The following CELF4 variants were observed in gnomAD, a reference collection of about 807,000 sequenced individuals.
CELF4 encodes the protein CUG-BP- and ETR-3-like factor 4.
A neutral mutation model predicts 59.9 loss-of-function variants in CELF4; 18 were observed. The observed-to-expected ratio is 0.30, with a 90% CI of 0.21 to 0.45. The LOEUF (loss-of-function observed/expected upper bound fraction) is 0.45, where lower values mean the gene tolerates loss of function less well. CELF4 is among the 20% of genes least tolerant of loss of function. The probability of loss-of-function intolerance (pLI) is 1.00; values close to 1 mark genes in which losing one functional copy is unlikely to be tolerated. For synonymous variants in CELF4, 261 were observed against 267.1 expected, an observed-to-expected ratio of 0.98 and a Z score of 0.22; for missense variants, 456 against 689.0, an observed-to-expected ratio of 0.66 and a Z score of 3.79.
chr18:37,285,048 C>T (rs1184907587), intron 3 of CELF4, among the ~76,000 whole-genome samples: 2 of 152,188 alleles, frequency 1.3e-5, no homozygotes, highest in Non-Finnish European at 2.9e-5. Flanking sequence ...TGCCCAATAA[C>T]CACATTGCTT....
At chr18:37,420,258 G>A (rs1354229236) in intron 2 of CELF4, among the ~76,000 whole-genome samples, 1 of 152,194 alleles carries the variant, frequency 6.6e-6, no homozygotes, top group Non-Finnish European at 1.5e-5. Context: ...CAGAACCTGG[G>A]GGTTGCAAAA....
chr18:37,247,150 T>C, intron 12 of CELF4: 1 of 152,188 alleles, frequency 6.6e-6, no homozygotes. Flanking sequence ...GACGCCATCA[T>C]GTCACACTGT....
Position 37,317,733 on chromosome 18 carries a change from G to T in CELF4, c.448+4070C>A, listed in dbSNP as rs2096917106. 2.0e-5 allele frequency among the ~76,000 whole-genome samples: 3 copies of T among 152,332 alleles called. No individual in the cohort carries two copies. In the South Asian group the frequency reaches 6.2e-4, roughly 32 times the overall value. On this transcript the variant is annotated intron_variant, in intron 3 of 12. Coordinates refer to ENST00000420428, the MANE Select transcript of CELF4 (RefSeq NM_020180.4). ...AAAAAGAGCTCCCTGAACTGCTCCTGATAGGACAGTGGCCTGTCAGCCTCA... is the reference window on the plus strand; with the variant it reads ...AAAAAGAGCTCCCTGAACTGCTCCTTATAGGACAGTGGCCTGTCAGCCTCA...
chr18:37,321,099 C>G (rs936402744), intron 3 of CELF4, among the ~76,000 whole-genome samples: 33 of 152,106 alleles, frequency 2.2e-4, no homozygotes, highest in African/African-American at 8.0e-4. Flanking sequence ...GGGGGCAGTA[C>G]AGACACACAG....
intron 2 of CELF4, among the ~76,000 whole-genome samples, chr18:37,462,000 A>T (rs2099794949): frequency 6.6e-6 from 1 of 152,178 alleles, no homozygotes; most frequent in African/African-American, 2.4e-5. Context: ...GGGAGGACCA[A>T]GTTTATCTTA....
chr18:37,278,417 C>T (rs1018637277), intron 3 of CELF4, among the ~76,000 whole-genome samples: 2 of 152,140 alleles, frequency 1.3e-5, no homozygotes, highest in Non-Finnish European at 2.9e-5. Context: ...GTGGCTTGTG[C>T]GAGTGATTCT....
chr18:37,248,540 T>C (rs899350783), intron 12 of CELF4, among the ~76,000 whole-genome samples: 2 of 152,100 alleles, frequency 1.3e-5, no homozygotes, highest in Non-Finnish European at 2.9e-5. Context: ...CTCTGCTGAC[T>C]TCCCCTCCTC....
intron 3 of CELF4, among the ~76,000 whole-genome samples, chr18:37,312,110 CAAAAAAA>C (rs59872500): frequency 0.012 from 584 of 50,750 alleles, 7 homozygotes; most frequent in East Asian, 0.058. Context: ...GATTCCGTCT[CAAAAAAA>C]AAAAAAAAAA....
intron 2 of CELF4, among the ~76,000 whole-genome samples, chr18:37,378,138 C>T (rs1477872585): frequency 5.3e-5 from 8 of 152,190 alleles, no homozygotes. Flanking sequence ...CAGGTTGACC[C>T]TCTCCCCAGT....
rs936181640 is a variant in CELF4, at chr18:37,563,268, T to C, written c.286+2088A>G. 3.3e-5 allele frequency among the ~76,000 whole-genome samples: 5 copies of C among 152,238 alleles called. No individual in the cohort carries two copies. The South Asian group carries it at 8.3e-4, about 25-fold the overall frequency. On this transcript the variant is annotated intron_variant, in intron 1 of 12. Coordinates refer to ENST00000420428, the MANE Select transcript of CELF4 (RefSeq NM_020180.4). ...GGAATATTGTTAAAGTTTATCTTCA[T>C]TTGAAATGAAGAAGCAAATAAAGTG...
chr18:37,554,732 T>C (rs1603644078), intron 1 of CELF4, among the ~76,000 whole-genome samples: 2 of 151,936 alleles, frequency 1.3e-5, no homozygotes, highest in African/African-American at 4.8e-5. Flanking sequence ...GACACGGGGG[T>C]TCTCTCCTTT....
At chr18:37,362,732 G>C (rs1024028967) in intron 2 of CELF4, among the ~76,000 whole-genome samples, 11 of 152,250 alleles carry the variant, frequency 7.2e-5, no homozygotes, top group African/African-American at 2.6e-4. Context: ...GTCAACTGTG[G>C]CCTTTCTCTC....
At chr18:37,306,167 T>A (rs2096388485) in intron 3 of CELF4, 1 of 152,260 alleles carries the variant, frequency 6.6e-6, no homozygotes, top group South Asian at 2.1e-4. Flanking sequence ...AGGGTTGGGA[T>A]GTGGCCACAG....
At chr18:37,421,173 A>G (rs916350144) in intron 2 of CELF4, among the ~76,000 whole-genome samples, 6 of 152,196 alleles carry the variant, frequency 3.9e-5, no homozygotes, top group Admixed American at 2.6e-4. Context: ...TATCCGGGTC[A>G]TGGGGCAGGG....
At chr18:37,401,089 G>A (rs967795211) in intron 2 of CELF4, among the ~76,000 whole-genome samples, 4 of 152,228 alleles carry the variant, frequency 2.6e-5, no homozygotes, top group African/African-American at 9.6e-5. Flanking sequence ...TTCCCAGAGA[G>A]CTGTGAGGCA....
At chr18:37,428,424 G>A (rs1335248417) in intron 2 of CELF4, among the ~76,000 whole-genome samples, 1 of 152,148 alleles carries the variant, frequency 6.6e-6, no homozygotes, top group Non-Finnish European at 1.5e-5. Flanking sequence ...GTCTCTGTAA[G>A]GAAGGAGGTG....
chr18:37,511,214 C>G (rs1317530060), intron 1 of CELF4, among the ~76,000 whole-genome samples: 1 of 152,200 alleles, frequency 6.6e-6, no homozygotes, highest in Non-Finnish European at 1.5e-5. Flanking sequence ...ACTCACTCAC[C>G]CATCCTGCCA....
At chr18:37,547,471 C>G (rs1386527789) in intron 1 of CELF4, among the ~76,000 whole-genome samples, 2 of 152,186 alleles carry the variant, frequency 1.3e-5, no homozygotes, top group African/African-American at 4.8e-5. Flanking sequence ...TACATGAGAG[C>G]TGTCTATAGC....
At chr18:37,391,905 G>T (rs1426478884) in intron 2 of CELF4, among the ~76,000 whole-genome samples, 3 of 152,224 alleles carry the variant, frequency 2.0e-5, no homozygotes, top group Non-Finnish European at 4.4e-5. Context: ...GGCGTTTTCA[G>T]CTGCGGAGTT....
Sources: gnomAD v4.1 joint callset for allele counts (sites outside exome capture counted in the v4.1 genomes callset) on GRCh38, gnomAD v4.1.1 for gene constraint, MANE v1.5 for transcripts, NCBI Gene and HGNC (gene_info 2026-07-23, HGNC 2026-07-21) for gene names.